Variants in CDH18 observed in about 807,000 individuals in gnomAD.
CDH18 encodes the protein cadherin 18.
CDH18 carries 31 observed loss-of-function variants against 67.9 expected under a neutral mutation model. The ratio of observed to expected loss-of-function variants is 0.46; its 90% CI spans 0.34 to 0.62. The LOEUF is 0.62. Ranked by LOEUF, CDH18 falls within the 20% of genes least tolerant of loss-of-function variation. The pLI, the probability that CDH18 is intolerant of heterozygous loss-of-function variation, is 0.01. For synonymous variants in CDH18, 362 were observed against 347.2 expected (o/e 1.04, Z -0.48); for missense variants, 890 against 975.5 (o/e 0.91, Z 1.17).
At chr5:19,798,196 G>A (rs62355762) in intron 3 of CDH18, among the ~76,000 whole-genome samples, 9,431 of 151,876 alleles carry the variant, frequency 0.062, 338 homozygotes, top group Non-Finnish European at 0.081. Flanking sequence ...ACATAAAATG[G>A]GACAAGGAGA....
At chr5:19,517,694 T>C (rs948209398) in intron 10 of CDH18, among the ~76,000 whole-genome samples, 8 of 152,140 alleles carry the variant, frequency 5.3e-5, no homozygotes, top group Non-Finnish European at 8.8e-5. Flanking sequence ...TTTGGCTTGA[T>C]ATTTCCATCA....
At chr5:19,737,465 T>C (rs1028604375) in intron 4 of CDH18, among the ~76,000 whole-genome samples, 1 of 152,172 alleles carries the variant, frequency 6.6e-6, no homozygotes, top group East Asian at 1.9e-4. Context: ...ATGTGTGTGT[T>C]TTTTTCAGAT....
intron 2 of CDH18, among the ~76,000 whole-genome samples, chr5:19,912,966 G>A (rs760452757): frequency 3.9e-5 from 6 of 152,150 alleles, no homozygotes; most frequent in Non-Finnish European, 7.4e-5. Flanking sequence ...TAGAGACTAT[G>A]AGAAGGCTTT....
intron 7 of CDH18, among the ~76,000 whole-genome samples, chr5:19,585,032 T>C (rs1469339780): frequency 6.6e-6 from 1 of 151,106 alleles, no homozygotes; most frequent in African/African-American, 2.4e-5. Flanking sequence ...TGAAAGACAA[T>C]TTGAACTTAT....
At chr5:20,330,711 C>T (rs553269653) in intron 1 of CDH18, among the ~76,000 whole-genome samples, 1 of 152,104 alleles carries the variant, frequency 6.6e-6, no homozygotes, top group Non-Finnish European at 1.5e-5. Flanking sequence ...ACAGCCCACA[C>T]CAAGGGAAGA....
At chr5:19,593,618 C>T (rs1463913732) in intron 6 of CDH18, among the ~76,000 whole-genome samples, 6 of 143,836 alleles carry the variant, frequency 4.2e-5, no homozygotes, top group Non-Finnish European at 7.6e-5. Context: ...CTCCCCCTCC[C>T]GTTCTTCCTC....
chr5:19,514,023 C>CGTG (rs1745534611), intron 10 of CDH18, among the ~76,000 whole-genome samples: 1 of 151,968 alleles, frequency 6.6e-6, no homozygotes, highest in Non-Finnish European at 1.5e-5. Context: ...CAGGCCCCAG[C>CGTG]GTGTGATGTT....
At chr5:19,731,343 C>T (rs1002541141) in intron 4 of CDH18, among the ~76,000 whole-genome samples, 7 of 151,860 alleles carry the variant, frequency 4.6e-5, no homozygotes, top group African/African-American at 1.5e-4. Context: ...CCCAGCTACT[C>T]GGGAGGCTGA....
chr5:20,553,266 G>A (rs1286436341), intron 1 of CDH18, among the ~76,000 whole-genome samples: 2 of 151,940 alleles, frequency 1.3e-5, no homozygotes, highest in Non-Finnish European at 2.9e-5. Context: ...ATTTACAAGG[G>A]TCATTTTAAT....
chr5:20,506,576 G>A (rs970291836), intron 1 of CDH18, among the ~76,000 whole-genome samples: 3 of 152,174 alleles, frequency 2.0e-5, no homozygotes, highest in Admixed American at 6.5e-5. Context: ...GCCTCCAGAT[G>A]AGAATCCAGT....
intron 2 of CDH18, among the ~76,000 whole-genome samples, chr5:19,861,025 C>A (rs1230772099): frequency 6.6e-6 from 1 of 151,950 alleles, no homozygotes; most frequent in Non-Finnish European, 1.5e-5. Flanking sequence ...GTTGAGATAA[C>A]TAAAATAATA....
intron 1 of CDH18, among the ~76,000 whole-genome samples, chr5:20,504,989 G>A (rs1448385167): frequency 1.3e-5 from 2 of 151,864 alleles, no homozygotes; most frequent in African/African-American, 2.4e-5. Flanking sequence ...GGATGGTCTC[G>A]ATCTCCTGAC....
At chr5:19,702,693 G>A (rs191485589) in intron 5 of CDH18, among the ~76,000 whole-genome samples, 15 of 152,106 alleles carry the variant, frequency 9.9e-5, no homozygotes, top group Admixed American at 3.9e-4. Flanking sequence ...ACTTGAACCC[G>A]GGAGGTGGAG....
chr5:19,648,234 T>C (rs1434289212), intron 5 of CDH18, among the ~76,000 whole-genome samples: 1 of 150,150 alleles, frequency 6.7e-6, no homozygotes. Flanking sequence ...GGCCAACATG[T>C]TGAAAAACCG....
At chr5:20,519,432 G>A (rs528403614) in intron 1 of CDH18, among the ~76,000 whole-genome samples, 18 of 152,208 alleles carry the variant, frequency 1.2e-4, no homozygotes, top group African/African-American at 3.6e-4. Context: ...GGAACACATG[G>A]ACACAGGAAG....
At chr5:19,638,811 T>A (rs1326370334) in intron 5 of CDH18, among the ~76,000 whole-genome samples, 1 of 151,850 alleles carries the variant, frequency 6.6e-6, no homozygotes, top group Non-Finnish European at 1.5e-5. Flanking sequence ...GCCCGCATCA[T>A]CCCATCACAC....
At position 19,955,696 on chromosome 5, in the gene CDH18, A is replaced by G. The variant is rs1796195741; in HGVS notation, c.-257+25364T>C. 1.3e-5 allele frequency among the ~76,000 whole-genome samples: 2 copies of G among 152,082 alleles called. 1 individual carries two copies. Among genetic ancestry groups the G allele is most frequent in the South Asian group, 4.1e-4 (2 of 4,830 alleles). On this transcript the variant is annotated intron_variant, in intron 2 of 12. Transcript: ENST00000382275. ...AATTTAATGAAATATGTAGATAGAT[A>G]GCAAAGTTAAAAAAAATAGAGTACA... is the stretch of plus-strand genomic sequence containing the variant.
chr5:20,145,896 C>T (rs1750607704), intron 2 of CDH18, among the ~76,000 whole-genome samples: 1 of 152,124 alleles, frequency 6.6e-6, no homozygotes, highest in Admixed American at 6.6e-5. Flanking sequence ...CTCTGGCTTC[C>T]CATTCTCTAA....
intron 2 of CDH18, among the ~76,000 whole-genome samples, chr5:19,971,215 T>A (rs1357300334): frequency 6.6e-6 from 1 of 151,996 alleles, no homozygotes; most frequent in Non-Finnish European, 1.5e-5. Context: ...AGAGCTGGTA[T>A]CCAGTTTGCT....
Sources: gnomAD v4.1 joint callset for allele counts (sites outside exome capture counted in the v4.1 genomes callset) on GRCh38, gnomAD v4.1.1 for gene constraint, MANE v1.5 for transcripts, NCBI Gene and HGNC (gene_info 2026-07-23, HGNC 2026-07-21) for gene names.